LRMDA: variants seen among roughly 807,000 people sequenced by gnomAD.
LRMDA encodes the protein leucine rich melanocyte differentiation associated, also known as leucine-rich melanocyte differentiation-associated protein.
Under a neutral mutation model 29.8 loss-of-function variants are expected in LRMDA, and 18 were observed. The ratio of observed to expected loss-of-function variants is 0.60; its 90% CI spans 0.42 to 0.90. The LOEUF (loss-of-function observed/expected upper bound fraction) is 0.90. Among genes scored for constraint, LRMDA ranks in the 40% least tolerant of loss-of-function variants. LRMDA has a pLI of 0.00. For synonymous variants in LRMDA, 125 were observed against 109.4 expected (o/e 1.14, Z -0.89); for missense variants, 273 against 273.9 (o/e 1.00, Z 0.02).
chr10:75,910,196 C>T (rs1365887863), intron 2 of LRMDA, among the ~76,000 whole-genome samples: 4 of 152,102 alleles, frequency 2.6e-5, no homozygotes. Flanking sequence ...CACTTTATGT[C>T]TTATTAATGC....
chr10:75,599,729 C>T (rs556856426), intron 2 of LRMDA, among the ~76,000 whole-genome samples: 6 of 152,314 alleles, frequency 3.9e-5, no homozygotes, highest in East Asian at 1.9e-4. Flanking sequence ...ATATAGATAT[C>T]GAGCACTTCA....
At position 76,058,690 on chromosome 10, in the gene LRMDA, C is replaced by A; in HGVS notation, c.423C>A (p.Pro141=). Residue 141 remains proline, a synonymous_variant, in exon 5 of 7, where the codon CCC becomes CCA. Coordinates refer to ENST00000611255, the MANE Select transcript of LRMDA (RefSeq NM_001305581.2). The part of the protein sequence containing the change: ...RYRCFVLYKL[P]NLKFLDAQKV... ...GATGCTTTGTTCTGTACAAGCTGCC[C>A]AACTTGAAATTTCTGGATGCCCAGA... The A allele has an allele frequency of 3.1e-6, 5 of 1,613,976 alleles. No homozygotes were observed. The highest frequency in any genetic ancestry group is 4.2e-6 in the Non-Finnish European group (5 of 1,179,940).
chr10:75,824,386 T>C (rs964873773), intron 2 of LRMDA, among the ~76,000 whole-genome samples: 23 of 152,220 alleles, frequency 1.5e-4, no homozygotes, highest in Admixed American at 3.9e-4. Context: ...GTTTATGTAT[T>C]GCACATGCTG....
chr10:75,511,845 G>C (rs761839499), intron 2 of LRMDA, among the ~76,000 whole-genome samples: 4 of 152,094 alleles, frequency 2.6e-5, no homozygotes, highest in Admixed American at 6.5e-5. Context: ...TCTGGATTCT[G>C]GGCAAAGAAA....
chr10:75,785,610 C>T (rs1388976277), intron 2 of LRMDA, among the ~76,000 whole-genome samples: 2 of 152,176 alleles, frequency 1.3e-5, no homozygotes, highest in Non-Finnish European at 2.9e-5. Flanking sequence ...TAAAGCGTGG[C>T]CTGTGTTATC....
intron 6 of LRMDA, among the ~76,000 whole-genome samples, chr10:76,462,013 G>A (rs1173249212): frequency 1.4e-5 from 2 of 139,178 alleles, no homozygotes; most frequent in Non-Finnish European, 3.1e-5. Flanking sequence ...AGGCTGCAGT[G>A]AACTGCAATT....
At chr10:75,924,080 C>T (rs1040479736) in intron 2 of LRMDA, among the ~76,000 whole-genome samples, 1 of 152,176 alleles carries the variant, frequency 6.6e-6, no homozygotes, top group African/African-American at 2.4e-5. Context: ...ATATGTGTCT[C>T]AGCTAATGCC....
chr10:75,660,623 T>C (rs879491998), intron 2 of LRMDA, among the ~76,000 whole-genome samples: 1 of 151,768 alleles, frequency 6.6e-6, no homozygotes, highest in Non-Finnish European at 1.5e-5. Flanking sequence ...ACAAGCAAAC[T>C]CTAGTTATCT....
chr10:76,535,424 C>G (rs1456512675), intron 6 of LRMDA, among the ~76,000 whole-genome samples: 2 of 151,126 alleles, frequency 1.3e-5, no homozygotes, highest in Non-Finnish European at 2.9e-5. Context: ...ATGCGTTGGC[C>G]TAAAATGATC....
At chr10:75,967,105 G>A (rs1013007039) in intron 2 of LRMDA, among the ~76,000 whole-genome samples, 3 of 152,160 alleles carry the variant, frequency 2.0e-5, no homozygotes, top group East Asian at 1.9e-4. Flanking sequence ...GTTTGCCCTC[G>A]ACTTGCAGGA....
intron 2 of LRMDA, among the ~76,000 whole-genome samples, chr10:75,953,548 A>C (rs1846613856): frequency 6.6e-6 from 1 of 152,184 alleles, no homozygotes; most frequent in Non-Finnish European, 1.5e-5. Flanking sequence ...CCCAAATGAA[A>C]TTGGAAGTAG....
At chr10:75,611,186 C>A (rs1171033315) in intron 2 of LRMDA, among the ~76,000 whole-genome samples, 1 of 152,128 alleles carries the variant, frequency 6.6e-6, no homozygotes, top group African/African-American at 2.4e-5. Flanking sequence ...GAGTGATGAT[C>A]TGGACAGGTC....
At chr10:76,255,949 A>C (rs1852586529) in intron 5 of LRMDA, among the ~76,000 whole-genome samples, 2 of 152,338 alleles carry the variant, frequency 1.3e-5, no homozygotes, top group Non-Finnish European at 2.9e-5. Context: ...TTCAATGGAA[A>C]TAGGTTTATA....
At chr10:76,037,526 A>C (rs1329392119) in intron 3 of LRMDA, among the ~76,000 whole-genome samples, 1 of 152,238 alleles carries the variant, frequency 6.6e-6, no homozygotes, top group Non-Finnish European at 1.5e-5. Context: ...TGTCTCAGTC[A>C]GCTCTTGCTG....
intron 2 of LRMDA, among the ~76,000 whole-genome samples, chr10:75,901,206 C>A (rs1176190304): frequency 6.6e-6 from 1 of 152,262 alleles, no homozygotes; most frequent in East Asian, 1.9e-4. Flanking sequence ...TGTGCTCTAG[C>A]ACTTACCATC....
intron 2 of LRMDA, among the ~76,000 whole-genome samples, chr10:75,439,844 G>A (rs1007774613): frequency 5.9e-5 from 9 of 152,118 alleles, no homozygotes; most frequent in South Asian, 2.1e-4. Context: ...GACCGAGTGC[G>A]TGGCCTTGAG....
At chr10:76,157,522 G>A in intron 5 of LRMDA, among the ~76,000 whole-genome samples, 1 of 152,016 alleles carries the variant, frequency 6.6e-6, no homozygotes, top group Admixed American at 6.6e-5. Flanking sequence ...GCTGAGGCAG[G>A]AAGATTGCTT....
intron 5 of LRMDA, among the ~76,000 whole-genome samples, chr10:76,063,191 G>A (rs1848730363): frequency 6.6e-6 from 1 of 152,212 alleles, no homozygotes; most frequent in Admixed American, 6.5e-5. Context: ...TCTAGAAAGT[G>A]TTTTGACGCT....
Position 76,324,903 on chromosome 10 carries a change from G to A in LRMDA, c.601+418G>A, listed in dbSNP as rs138931437. ...ATGAACTCTATGTTATAACTAAAAG[G>A]AATTCCAATTTGCCTGGCAACATTG... On this transcript the variant is annotated intron_variant, in intron 6 of 6. Coordinates refer to ENST00000611255, the MANE Select transcript of LRMDA (RefSeq NM_001305581.2). Among the ~76,000 whole-genome samples the A allele has an allele frequency of 6.7e-3, 1,013 of 152,176 alleles. 19 individuals carry two copies. The highest frequency in any genetic ancestry group is 0.022 in the African/African-American group (921 of 41,512).
Sources: allele counts gnomAD v4.1 joint callset (sites outside exome capture counted in the v4.1 genomes callset), GRCh38; gene constraint gnomAD v4.1.1; transcripts MANE v1.5; gene names NCBI Gene and HGNC (gene_info 2026-07-23, HGNC 2026-07-21).